GPC6: variants seen among roughly 807,000 people sequenced by gnomAD.
The protein encoded by GPC6 is glypican-6.
A neutral mutation model predicts 55.2 loss-of-function variants in GPC6; 14 were observed. The ratio of observed to expected loss-of-function variants is 0.25; its 90% CI spans 0.17 to 0.40. The LOEUF is 0.40. Among genes scored for constraint, GPC6 ranks in the 10% least tolerant of loss-of-function variants. The probability of loss-of-function intolerance (pLI) is 1.00; values close to 1 mark genes in which losing one functional copy is unlikely to be tolerated. For missense variants in GPC6, 641 were observed against 708.5 expected, an observed-to-expected ratio of 0.90 and a Z score of 1.08; for synonymous variants, 278 against 259.6, an observed-to-expected ratio of 1.07 and a Z score of -0.68.
At chr13:93,340,563 A>C (rs1880220297) in intron 1 of GPC6, among the ~76,000 whole-genome samples, 1 of 152,204 alleles carries the variant, frequency 6.6e-6, no homozygotes, top group South Asian at 2.1e-4. Flanking sequence ...GGATGGGATG[A>C]GGAGGCAGCC....
intron 4 of GPC6, among the ~76,000 whole-genome samples, chr13:94,254,572 A>G (rs188863298): frequency 3.9e-4 from 60 of 152,262 alleles, no homozygotes; most frequent in Admixed American, 7.8e-4. Context: ...AACCTTAAGA[A>G]ACAGTTGATT....
intron 2 of GPC6, among the ~76,000 whole-genome samples, chr13:93,690,422 G>A (rs982766060): frequency 1.3e-5 from 2 of 151,840 alleles, no homozygotes; most frequent in Non-Finnish European, 2.9e-5. Context: ...TAAAGTGAGC[G>A]AAATGGGAAA....
chr13:93,351,927 A>T (rs1250271918), intron 1 of GPC6, among the ~76,000 whole-genome samples: 1 of 152,180 alleles, frequency 6.6e-6, no homozygotes, highest in Non-Finnish European at 1.5e-5. Context: ...TATTAGAAGC[A>T]GATTTTTTCA....
At chr13:94,145,723 G>A (rs1197198514) in intron 4 of GPC6, among the ~76,000 whole-genome samples, 1 of 152,076 alleles carries the variant, frequency 6.6e-6, no homozygotes, top group Non-Finnish European at 1.5e-5. Context: ...AAAGATGAGC[G>A]GACCCTAAGC....
chr13:93,927,167 C>T (rs566449276), intron 3 of GPC6, among the ~76,000 whole-genome samples: 3 of 152,298 alleles, frequency 2.0e-5, no homozygotes, highest in Admixed American at 6.5e-5. Flanking sequence ...AGTAACTTTG[C>T]TGCTAAGTCA....
At chr13:94,281,456 T>C (rs1419174064) in intron 4 of GPC6, among the ~76,000 whole-genome samples, 2 of 152,178 alleles carry the variant, frequency 1.3e-5, no homozygotes, top group Non-Finnish European at 2.9e-5. Flanking sequence ...TCTTCTTGCT[T>C]TCTCTAAAAC....
intron 2 of GPC6, among the ~76,000 whole-genome samples, chr13:93,775,311 C>A (rs113619691): frequency 1.3e-5 from 2 of 152,108 alleles, no homozygotes; most frequent in Non-Finnish European, 2.9e-5. Flanking sequence ...CATTCTCATT[C>A]ATTTTCCAAA....
rs1028987341 is a variant in GPC6, at chr13:93,818,122, C to A, written c.320-12032C>A. 3.4e-5 allele frequency among the ~76,000 whole-genome samples: 5 copies of A among 145,942 alleles called. No individual in the cohort carries two copies. In the East Asian group the frequency reaches 9.8e-4, roughly 29 times the overall value. On this transcript the variant is annotated intron_variant, in intron 2 of 8. Transcript: ENST00000377047. ...TATTATATATAATAATTTATATATA[C>A]ACACACACATAGTTTAAAACAACTC...
intron 2 of GPC6, among the ~76,000 whole-genome samples, chr13:93,690,127 A>G (rs990119004): frequency 6.6e-6 from 1 of 152,164 alleles, no homozygotes; most frequent in African/African-American, 2.4e-5. Context: ...TTTTAACTCA[A>G]TTTAGACAAT....
At chr13:93,808,017 C>T (rs2138946966) in intron 2 of GPC6, among the ~76,000 whole-genome samples, 1 of 152,292 alleles carries the variant, frequency 6.6e-6, no homozygotes, top group Middle Eastern at 3.4e-3. Flanking sequence ...ACTTAGACAA[C>T]ATTGTACTTA....
intron 6 of GPC6, among the ~76,000 whole-genome samples, chr13:94,318,467 CTG>C (rs1008878561): frequency 6.6e-6 from 1 of 152,114 alleles, no homozygotes; most frequent in Non-Finnish European, 1.5e-5. Flanking sequence ...TTATAACACA[CTG>C]TAATAAAAGT....
chr13:94,019,641 A>G (rs1399477881), intron 3 of GPC6, among the ~76,000 whole-genome samples: 1 of 152,120 alleles, frequency 6.6e-6, no homozygotes, highest in Non-Finnish European at 1.5e-5. Flanking sequence ...TGTCTCTTAC[A>G]GGGACACTTT....
intron 1 of GPC6, among the ~76,000 whole-genome samples, chr13:93,315,570 T>C (rs997441619): frequency 6.6e-6 from 1 of 152,000 alleles, no homozygotes; most frequent in Non-Finnish European, 1.5e-5. Flanking sequence ...AAGTAAATCA[T>C]TCATTTTTGG....
intron 6 of GPC6, among the ~76,000 whole-genome samples, chr13:94,340,523 T>C (rs1316216634): frequency 6.6e-6 from 1 of 152,226 alleles, no homozygotes; most frequent in East Asian, 1.9e-4. Context: ...CTTTAAAGGC[T>C]ATAAAATTAC....
intron 3 of GPC6, among the ~76,000 whole-genome samples, chr13:93,876,490 G>T (rs186935974): frequency 6.6e-6 from 1 of 152,152 alleles, no homozygotes; most frequent in African/African-American, 2.4e-5. Flanking sequence ...TATGAAAGAC[G>T]TATGGTCTAG....
chr13:93,405,174 C>G (rs1260833791), intron 1 of GPC6, among the ~76,000 whole-genome samples: 1 of 152,078 alleles, frequency 6.6e-6, no homozygotes, highest in Non-Finnish European at 1.5e-5. Flanking sequence ...CTGTGCCACC[C>G]CCTCCTTCAT....
intron 3 of GPC6, among the ~76,000 whole-genome samples, chr13:93,862,518 C>T (rs1381180835): frequency 1.3e-5 from 2 of 151,568 alleles, no homozygotes. Flanking sequence ...GATTGTGGTG[C>T]ATGTGTCCCA....
chr13:94,299,245 A>G (rs570739208), intron 5 of GPC6, among the ~76,000 whole-genome samples: 1 of 152,354 alleles, frequency 6.6e-6, no homozygotes, highest in Admixed American at 6.5e-5. Context: ...AAAATAAGGC[A>G]CCATTATACC....
At chr13:93,379,731 A>AT (rs1875079639) in intron 1 of GPC6, among the ~76,000 whole-genome samples, 1 of 152,158 alleles carries the variant, frequency 6.6e-6, no homozygotes, top group Admixed American at 6.5e-5. Flanking sequence ...CAGTGGCTGC[A>AT]TTTTTTCAAA....
Sources: allele counts gnomAD v4.1 joint callset (sites outside exome capture counted in the v4.1 genomes callset), GRCh38; gene constraint gnomAD v4.1.1; transcripts MANE v1.5; gene names NCBI Gene and HGNC (gene_info 2026-07-23, HGNC 2026-07-21).